Variants in ZNF716 observed in about 807,000 individuals in gnomAD.
ZNF716 encodes the protein zinc finger protein 716.
ZNF716 carries 9 observed loss-of-function variants against 13.4 expected under a neutral mutation model. That is an observed-to-expected ratio of 0.67 (90% CI 0.41 to 1.18). ZNF716 has a LOEUF of 1.18. ZNF716 is among the 50% of genes most tolerant of loss of function. The pLI, the probability that ZNF716 is intolerant of heterozygous loss-of-function variation, is 0.01. For missense variants in ZNF716, 581 were observed against 576.6 expected, an observed-to-expected ratio of 1.01 and a Z score of -0.08; for synonymous variants, 186 against 195.2, an observed-to-expected ratio of 0.95 and a Z score of 0.39.
At chr7:57,466,048 G>A (rs1789806225) in intron 3 of ZNF716, among the ~76,000 whole-genome samples, 1 of 151,502 alleles carries the variant, frequency 6.6e-6, no homozygotes, top group Non-Finnish European at 1.5e-5. Flanking sequence ...GGTGGGGGGA[G>A]TGGGGAGGGA....
rs1161675164 is a variant in ZNF716 at position 57,463,220 on chromosome 7, AG to A, written c.262+54del. 9 of 1,596,536 alleles carry A rather than the reference AG, an allele frequency of 5.6e-6. No individual in the cohort carries two copies. In the East Asian group the frequency reaches 1.8e-4, roughly 32 times the overall value. On this transcript the variant is annotated intron_variant, in intron 3 of 3. Coordinates refer to ENST00000420713, the MANE Select transcript of ZNF716 (RefSeq NM_001159279.1). Reference sequence around the variant, plus strand: ...ACACAGATGAGAGTTACAAAAGTCAAGGAGGAAGCCAGTCCTTAAAATGTGG... The same window carrying A: ...ACACAGATGAGAGTTACAAAAGTCAAGAGGAAGCCAGTCCTTAAAATGTGG...
intron 3 of ZNF716, among the ~76,000 whole-genome samples, chr7:57,468,501 G>A (rs540769814): frequency 2.8e-4 from 43 of 152,234 alleles, no homozygotes; most frequent in Admixed American, 1.3e-3. Context: ...TTGGCATTGT[G>A]CCCACCTGGT....
chr7:57,462,357 T>G, intron 1 of ZNF716, 103 bp from the exon 2 acceptor site: 1 of 1,360,718 alleles, frequency 7.3e-7, no homozygotes, highest in Non-Finnish European at 1.0e-6. Flanking sequence ...CTTTTTACTC[T>G]CTTATTTAAC....
chr7:57,468,070 G>A (rs777025429), intron 3 of ZNF716, among the ~76,000 whole-genome samples: 43 of 152,042 alleles, frequency 2.8e-4, no homozygotes, highest in Non-Finnish European at 5.3e-4. Flanking sequence ...GAAACCGATT[G>A]TCTTGGCTAG....
At chr7:57,451,441 A>AT (rs782311074) in intron 1 of ZNF716, among the ~76,000 whole-genome samples, 31,685 of 88,712 alleles carry the variant, frequency 0.36, 6,609 homozygotes, top group Admixed American at 0.4. Flanking sequence ...TTTCCCTTGG[A>AT]TTTTTTTTTT....
rs1789927896 is a variant in ZNF716 at position 57,471,132 on chromosome 7, A to G, written c.*1183A>G. On this transcript the variant is annotated 3_prime_UTR_variant, in exon 4 of 4. Transcript: ENST00000420713. ...AAAGTTTATACTTAACAAAAGCATT[A>G]TAGGCTAGATGTGGTGGCTCATGCC... The G allele has an allele frequency of 2.0e-5, 3 of 152,070 alleles. No homozygotes were observed. Among genetic ancestry groups the G allele is most frequent in the Admixed American group, 6.6e-5 (1 of 15,250 alleles). 9.4% of individuals were successfully genotyped at this position (152,070 alleles called of 1,614,324 possible). A position where few individuals can be genotyped will look rare whatever the true frequency, so the allele number is the denominator to read the frequency against.
rs1789628294 is a variant in ZNF716, at chr7:57,457,704, T to C, written c.40-4756T>C. Among the ~76,000 whole-genome samples the C allele has an allele frequency of 2.0e-5, 3 of 152,146 alleles. No individual in the cohort carries two copies. In the South Asian group the frequency reaches 6.2e-4, roughly 31 times the overall value. On this transcript the variant is annotated intron_variant, in intron 1 of 3. Transcript: ENST00000420713. Reference sequence around the variant, plus strand: ...GGAGTACATGTGCAGGTTTGTTGTATAGGTAAAATCATATCATAAAGTTTT... The same window carrying C: ...GGAGTACATGTGCAGGTTTGTTGTACAGGTAAAATCATATCATAAAGTTTT...
intron 1 of ZNF716, among the ~76,000 whole-genome samples, chr7:57,460,586 C>G (rs575396084): frequency 3.3e-5 from 5 of 151,846 alleles, no homozygotes; most frequent in African/African-American, 1.2e-4. Flanking sequence ...GCCTTCTATA[C>G]ATTCTCTTCA....
Position 57,473,354 on chromosome 7 carries a change from A to C in ZNF716, c.*3405A>C, listed in dbSNP as rs1415072784. 1 of 152,040 alleles carries C rather than the reference A, an allele frequency of 6.6e-6. No individual in the cohort carries two copies. Among genetic ancestry groups the C allele is most frequent in the Non-Finnish European group, 1.5e-5 (1 of 68,014 alleles). The allele number at this position is 152,040 out of a possible 1,614,324, so 9.4% of individuals were successfully genotyped here. ...GCCAACATGGTGAAACCCCATCTCT[A>C]CTAAAAATACAAAAAATTAGCTGGG... On this transcript the variant is annotated 3_prime_UTR_variant, in exon 4 of 4. Coordinates refer to ENST00000420713, the MANE Select transcript of ZNF716 (RefSeq NM_001159279.1).
chr7:57,458,059 G>T (rs1789635336), intron 1 of ZNF716, among the ~76,000 whole-genome samples: 1 of 152,126 alleles, frequency 6.6e-6, no homozygotes, highest in Admixed American at 6.6e-5. Context: ...GTCTACCATT[G>T]AAGACATACA....
In ZNF716 at chr7:57,462,528, T is replaced by G; in HGVS notation, c.108T>G (p.Ala36=). The G allele has an allele frequency of 6.2e-7, 1 of 1,613,930 alleles. No homozygotes were observed. Among genetic ancestry groups the G allele is most frequent in the Non-Finnish European group, 8.5e-7 (1 of 1,179,874 alleles). The change falls in exon 2 of 4, where the codon GCT becomes GCG. Residue 36 remains alanine, a synonymous_variant. Transcript: ENST00000420713. ...SLAEWQCLDH[A]QQNLYRDVML... ...CGGAATGGCAATGCCTGGATCATGC[T>G]CAGCAGAATTTATATAGAGATGTGA...
chr7:57,450,579 C>T (rs782229269), intron 1 of ZNF716, among the ~76,000 whole-genome samples: 10 of 151,002 alleles, frequency 6.6e-5, no homozygotes, highest in Non-Finnish European at 1.3e-4. Context: ...CTCTGGGCAG[C>T]TCTACACTCC....
chr7:57,466,681 A>G (rs1309680170), intron 3 of ZNF716, among the ~76,000 whole-genome samples: 1 of 152,264 alleles, frequency 6.6e-6, no homozygotes, highest in East Asian at 1.9e-4. Context: ...CTTTTTCTTT[A>G]GAAATTACCC....
intron 1 of ZNF716, 126 bp from the exon 2 acceptor site, chr7:57,462,334 G>A: frequency 8.9e-7 from 1 of 1,125,754 alleles, no homozygotes; most frequent in Admixed American, 2.1e-5. Flanking sequence ...ACTCTTACAA[G>A]TCAGAACCAC....
At chr7:57,459,909 A>G (rs1487672696) in intron 1 of ZNF716, among the ~76,000 whole-genome samples, 4 of 152,172 alleles carry the variant, frequency 2.6e-5, no homozygotes, top group African/African-American at 9.6e-5. Flanking sequence ...GTTTTCTGCA[A>G]GTCTCGGTCT....
chr7:57,467,194 A>T (rs1327811459), intron 3 of ZNF716, among the ~76,000 whole-genome samples: 5 of 152,066 alleles, frequency 3.3e-5, no homozygotes, highest in Non-Finnish European at 7.4e-5. Flanking sequence ...TAATGTCACT[A>T]ATTATATCTT....
intron 1 of ZNF716, among the ~76,000 whole-genome samples, chr7:57,458,067 A>G (rs1328379939): frequency 6.6e-6 from 1 of 152,198 alleles, no homozygotes; most frequent in Non-Finnish European, 1.5e-5. Flanking sequence ...TTGAAGACAT[A>G]CAGATTTATT....
chr7:57,452,734 A>G (rs781822613), intron 1 of ZNF716, among the ~76,000 whole-genome samples: 3 of 152,156 alleles, frequency 2.0e-5, no homozygotes, highest in Non-Finnish European at 4.4e-5. Flanking sequence ...CACAGACATC[A>G]TAATGTGTGG....
chr7:57,458,172 A>G (rs1221036020), intron 1 of ZNF716, among the ~76,000 whole-genome samples: 3 of 152,204 alleles, frequency 2.0e-5, no homozygotes, highest in African/African-American at 7.2e-5. Flanking sequence ...TATATTCCCA[A>G]TTGTGGGGTT....
Sources: gnomAD v4.1 joint callset for allele counts (sites outside exome capture counted in the v4.1 genomes callset) on GRCh38, gnomAD v4.1.1 for gene constraint, MANE v1.5 for transcripts, NCBI Gene and HGNC (gene_info 2026-07-23, HGNC 2026-07-21) for gene names.